ZNF41: variants seen among roughly 807,000 people sequenced by gnomAD.
ZNF41 encodes zinc finger protein 41.
Under a neutral mutation model 9.3 loss-of-function variants are expected in ZNF41, and 6 were observed. That is an observed-to-expected ratio of 0.65 (90% CI 0.35 to 1.28). The LOEUF (loss-of-function observed/expected upper bound fraction) is 1.28. Ranked by LOEUF, ZNF41 falls within the 50% of genes most tolerant of loss-of-function variation. ZNF41 has a pLI of 0.03. For missense variants in ZNF41, 523 were observed against 585.8 expected (o/e 0.89, Z 1.11); for synonymous variants, 192 against 207.1 (o/e 0.93, Z 0.63).
intron 2 of ZNF41, among the ~76,000 whole-genome samples, chrX:47,463,154 G>A (rs1200743195): frequency 1.8e-5 from 2 of 110,420 alleles, no homozygotes; most frequent in Non-Finnish European, 3.8e-5. Context: ...ATGCTCTCCC[G>A]TGATGTTCAT....
intron 1 of ZNF41, among the ~76,000 whole-genome samples, chrX:47,469,573 C>A (rs2057115911): frequency 9.0e-6 from 1 of 111,261 alleles, no homozygotes; most frequent in African/African-American, 3.3e-5. Flanking sequence ...TTACTATTAA[C>A]TATGTGGAAA....
chrX:47,467,198 T>C, intron 2 of ZNF41: 1 of 794,692 alleles, frequency 1.3e-6, no homozygotes, highest in Non-Finnish European at 1.8e-6. Flanking sequence ...CACATTACAC[T>C]GTCCACTGAA....
At chrX:47,474,956 G>T (rs1357986000) in intron 1 of ZNF41, among the ~76,000 whole-genome samples, 3 of 106,042 alleles carry the variant, frequency 2.8e-5, no homozygotes, top group African/African-American at 1.0e-4. Flanking sequence ...CGAGGCGGGT[G>T]GATCACGAGG....
At chrX:47,450,304 G>A (rs771424270) in intron 4 of ZNF41, among the ~76,000 whole-genome samples, 4 of 110,736 alleles carry the variant, frequency 3.6e-5, no homozygotes, top group South Asian at 7.7e-4. Flanking sequence ...TCCGCCTCCC[G>A]GGTTCAAGTG....
intron 1 of ZNF41, among the ~76,000 whole-genome samples, chrX:47,474,783 C>T (rs1483327967): frequency 9.5e-6 from 1 of 105,296 alleles, no homozygotes; most frequent in Non-Finnish European, 1.9e-5. Flanking sequence ...GAGGCCAAGG[C>T]GGGAGGATCA....
chrX:47,456,331 G>T lies in ZNF41; in HGVS notation c.140C>A (p.Ala47Asp). Residue 47 changes from alanine to aspartate, a missense_variant, in exon 3 of 5, where the codon GCC (alanine) becomes GAC (aspartate). Ala to Asp is a moderately radical substitution (Grantham distance 126). Transcript: ENST00000684689. Reference protein sequence around the residue: ...SKEEWQHLDPAQRRLYWDVTL... With the variant: ...SKEEWQHLDPDQRRLYWDVTL... Reference sequence around the variant, plus strand: ...CACATCCCAGTACAGGCGTCTCTGGGCAGGGTCCAAGTGCTGCCACTCCTC... The same window carrying T: ...CACATCCCAGTACAGGCGTCTCTGGTCAGGGTCCAAGTGCTGCCACTCCTC... The T allele has an allele frequency of 3.3e-6, 4 of 1,211,353 alleles. No homozygotes were observed. Among genetic ancestry groups the T allele is most frequent in the Non-Finnish European group, 4.5e-6 (4 of 895,392 alleles).
At position 47,447,613 on chromosome X, in the gene ZNF41, A is replaced by G. The variant is rs765832660; in HGVS notation, c.2157T>C (p.Tyr719=). 7 of 1,209,986 alleles carry G rather than the reference A, an allele frequency of 5.8e-6. No homozygotes were observed. In the South Asian group the frequency reaches 8.8e-5, roughly 15 times the overall value. ...AAGCTTTCCCACATTTACTACATTCATAGTGTCTTTCTCCAGTATGAGACT... is the reference window on the plus strand; with the variant it reads ...AAGCTTTCCCACATTTACTACATTCGTAGTGTCTTTCTCCAGTATGAGACT... ...HQKSHTGERH[Y]ECSKCGKAFI... The change falls in exon 5 of 5, where the codon TAT becomes TAC. Residue 719 remains tyrosine (Y), a synonymous_variant. Coordinates refer to ENST00000684689, the MANE Select transcript of ZNF41 (RefSeq NM_001324144.2).
intron 1 of ZNF41, among the ~76,000 whole-genome samples, chrX:47,478,950 C>T (rs974786829): frequency 9.0e-6 from 1 of 110,910 alleles, no homozygotes; most frequent in Non-Finnish European, 1.9e-5. Context: ...ATAAATAAGG[C>T]AATCATAAAA....
At chrX:47,465,135 T>C (rs1202448384) in intron 2 of ZNF41, among the ~76,000 whole-genome samples, 1 of 112,814 alleles carries the variant, frequency 8.9e-6, no homozygotes, top group African/African-American at 3.2e-5. Flanking sequence ...TCTGCCCGCC[T>C]TGGCCTCCCA....
chrX:47,457,353 T>C (rs1363303341), intron 2 of ZNF41, among the ~76,000 whole-genome samples: 1 of 109,651 alleles, frequency 9.1e-6, no homozygotes, highest in Admixed American at 9.8e-5. Flanking sequence ...GAGGTTGCAG[T>C]GAGCCGAGAT....
At chrX:47,468,250 T>C (rs760251220) in intron 1 of ZNF41, among the ~76,000 whole-genome samples, 4 of 111,079 alleles carry the variant, frequency 3.6e-5, no homozygotes, top group Non-Finnish European at 7.5e-5. Context: ...CTTTCTTAAC[T>C]ATTGAGCCAT....
chrX:47,481,371 A>G (rs1255058529), intron 1 of ZNF41, among the ~76,000 whole-genome samples: 1 of 112,082 alleles, frequency 8.9e-6, no homozygotes, highest in Non-Finnish European at 1.9e-5. Flanking sequence ...TAGGAGGTTG[A>G]GGCTGCAATG....
chrX:47,455,123 T>C (rs1228270490), intron 4 of ZNF41, among the ~76,000 whole-genome samples: 1 of 109,906 alleles, frequency 9.1e-6, no homozygotes, highest in African/African-American at 3.3e-5. Flanking sequence ...CGCATGCCTG[T>C]AATCTCAGCT....
At position 47,445,975 on chromosome X, in the gene ZNF41, C is replaced by T. The variant is rs909310096; in HGVS notation, c.*1455G>A. On this transcript the variant is annotated 3_prime_UTR_variant, in exon 5 of 5. Transcript: ENST00000684689. The stretch of plus-strand genomic sequence containing the variant: ...CTGTGAGAAGCCAGGATAATGTATA[C>T]CCTTGGGGGCTTGCCTGGAAGGGAA... 1 of 110,903 alleles carries T rather than the reference C, an allele frequency of 9.0e-6. No individual in the cohort carries two copies. Among genetic ancestry groups the T allele is most frequent in the Admixed American group, 9.6e-5 (1 of 10,370 alleles). 9.1% of individuals were successfully genotyped at this position (110,903 alleles called of 1,213,427 possible).
At chrX:47,480,660 A>G (rs1303575867) in intron 1 of ZNF41, among the ~76,000 whole-genome samples, 4 of 109,341 alleles carry the variant, frequency 3.7e-5, no homozygotes, top group African/African-American at 1.3e-4. Context: ...AATATTCACA[A>G]ATTAGTAAGA....
intron 1 of ZNF41, among the ~76,000 whole-genome samples, chrX:47,472,680 G>A (rs950867131): frequency 3.6e-5 from 4 of 109,869 alleles, no homozygotes; most frequent in African/African-American, 1.3e-4. Context: ...CCCATGATCT[G>A]AGTGCCTCAG....
At chrX:47,464,633 A>G (rs2056923910) in intron 2 of ZNF41, among the ~76,000 whole-genome samples, 1 of 111,736 alleles carries the variant, frequency 8.9e-6, no homozygotes, top group Non-Finnish European at 1.9e-5. Flanking sequence ...AGATGAATGG[A>G]GAAATGTGCC....
chrX:47,465,508 C>T (rs749429103), intron 2 of ZNF41, among the ~76,000 whole-genome samples: 1 of 112,087 alleles, frequency 8.9e-6, no homozygotes, highest in South Asian at 3.7e-4. Context: ...ATACAAATAT[C>T]AAAACATCAC....
intron 2 of ZNF41, among the ~76,000 whole-genome samples, chrX:47,457,521 G>A (rs993920695): frequency 1.8e-5 from 2 of 111,935 alleles, no homozygotes; most frequent in East Asian, 5.7e-4. Flanking sequence ...CTGGACTTAA[G>A]GCAGTGGTTG....
Sources: gnomAD v4.1 joint callset for allele counts (sites outside exome capture counted in the v4.1 genomes callset) on GRCh38, gnomAD v4.1.1 for gene constraint, MANE v1.5 for transcripts, NCBI Gene and HGNC (gene_info 2026-07-23, HGNC 2026-07-21) for gene names.